DPH6: variants seen among roughly 807,000 people sequenced by gnomAD.
DPH6 encodes the protein diphthamine biosynthesis 6, also known as diphthine--ammonia ligase.
In DPH6, 33 loss-of-function variants were observed where a neutral mutation model predicts 38.2. The observed-to-expected ratio is 0.86, with a 90% confidence interval of 0.65 to 1.15. The LOEUF is 1.15. DPH6 is among the 50% of genes most tolerant of loss of function. The pLI, the probability that DPH6 is intolerant of heterozygous loss-of-function variation, is 0.00. For missense variants in DPH6, 325 were observed against 320.0 expected (o/e 1.02, Z -0.12); for synonymous variants, 108 against 103.0 (o/e 1.05, Z -0.30).
chr15:35,371,109 G>A lies in DPH6; in HGVS notation c.*1041C>T, dbSNP rs765857352. On this transcript the variant is annotated 3_prime_UTR_variant, in exon 9 of 9. Coordinates refer to ENST00000256538, the MANE Select transcript of DPH6 (RefSeq NM_080650.4). ...TGAAAAGCTATATACTGCATGAAAA[G>A]CTATATACTGTATGATTTCAACTAC... 1 of 151,640 alleles carries A rather than the reference G, an allele frequency of 6.6e-6. No homozygotes were observed. Among genetic ancestry groups the A allele is most frequent in the Non-Finnish European group, 1.5e-5 (1 of 67,746 alleles). The allele number at this position is 151,640 out of a possible 1,614,324, so 9.4% of individuals were successfully genotyped here.
At chr15:35,286,736 G>A (rs373485571) in intron 3 of DPH6, among the ~76,000 whole-genome samples, 57 of 152,086 alleles carry the variant, frequency 3.7e-4, no homozygotes, top group African/African-American at 1.3e-3. Context: ...ATTTTTGGGA[G>A]GGGACTGGTG....
Position 35,431,630 on chromosome 15 carries a change from AAATCCATAAGAAAGG to A in DPH6, c.505+19040_505+19054del, listed in dbSNP as rs578135132. Among the ~76,000 whole-genome samples the A allele has an allele frequency of 2.7e-3, 406 of 152,280 alleles. 1 individual carries two copies. Among genetic ancestry groups the A allele is most frequent in the Non-Finnish European group, 4.9e-3 (331 of 68,024 alleles). On this transcript the variant is annotated intron_variant, in intron 5 of 8. Transcript: ENST00000256538. ...ATTTTGTTACAAGAATTAGAGAAAA[AAATCCATAAGAAAGG>A]AATCCATAAGAAAGAAATATAATGG... is the stretch of plus-strand genomic sequence containing the variant.
intron 3 of DPH6, among the ~76,000 whole-genome samples, chr15:35,303,714 G>A (rs1314237998): frequency 6.6e-6 from 1 of 150,880 alleles, no homozygotes; most frequent in African/African-American, 2.4e-5. Flanking sequence ...AAAGGGGGAG[G>A]AGAGGTTAGT....
At chr15:35,284,801 ATTTTTTTTTTTTT>A (rs71123127) in intron 3 of DPH6, among the ~76,000 whole-genome samples, 2 of 79,216 alleles carry the variant, frequency 2.5e-5, no homozygotes, top group African/African-American at 5.7e-5. Context: ...AAGTCTCCAA[ATTTTTTTTTTTTT>A]TTTTTTTTTT....
At chr15:35,171,678 G>A in the DPH6 span, among the ~76,000 whole-genome samples, 1 of 151,820 alleles carries the variant, frequency 6.6e-6, no homozygotes, top group Non-Finnish European at 1.5e-5. Context: ...TTCCCTATCA[G>A]TAATGCTGGG....
At chr15:35,347,455 TCC>T (rs1409987737) in intron 3 of DPH6, among the ~76,000 whole-genome samples, 2 of 147,920 alleles carry the variant, frequency 1.4e-5, no homozygotes, top group East Asian at 2.0e-4. Context: ...CCCAGCCTCC[TCC>T]TTTTTTTTTT....
rs1194919921 is a variant in DPH6 at position 35,272,905 on chromosome 15, TA to T, written n.201-52324del. ...CTGGGCAACAGAGCGAGACCCCATC[TA>T]AAAAAAAAAAAACAAACCAAAAAGA... On this transcript the variant is annotated intron_variant and non_coding_transcript_variant, in intron 3 of 3. Transcript: ENST00000560386. Among the ~76,000 whole-genome samples the T allele has an allele frequency of 6.4e-3, 883 of 138,650 alleles. 1 individual carries two copies. The highest frequency in any genetic ancestry group is 0.018 in the African/African-American group (700 of 37,928). The allele number at this position is 138,650 out of a possible 152,430, so 91.0% of individuals were successfully genotyped here.
At chr15:35,478,058 T>TA (rs981118953) in intron 3 of DPH6, among the ~76,000 whole-genome samples, 2 of 151,876 alleles carry the variant, frequency 1.3e-5, no homozygotes, top group Non-Finnish European at 2.9e-5. Context: ...ATGCCCAGCC[T>TA]AAGGGCTGTG....
At chr15:35,199,398 C>A in the DPH6 span, among the ~76,000 whole-genome samples, 43 of 152,162 alleles carry the variant, frequency 2.8e-4, no homozygotes, top group Non-Finnish European at 5.4e-4. Flanking sequence ...ATTTGTGTAT[C>A]CCAAATAAAT....
At chr15:35,372,822 T>A (rs540165404) in intron 8 of DPH6, among the ~76,000 whole-genome samples, 1 of 151,976 alleles carries the variant, frequency 6.6e-6, no homozygotes, top group South Asian at 2.1e-4. Context: ...CCTCAAGACT[T>A]GGGGGAAAGA....
chr15:35,444,192 A>G (rs1339620278), intron 5 of DPH6, among the ~76,000 whole-genome samples: 1 of 152,198 alleles, frequency 6.6e-6, no homozygotes, highest in Non-Finnish European at 1.5e-5. Context: ...ATTGTTCAAT[A>G]AATTCGGGAT....
chr15:35,304,673 T>C (rs985722118), intron 3 of DPH6, among the ~76,000 whole-genome samples: 6 of 152,026 alleles, frequency 3.9e-5, no homozygotes, highest in African/African-American at 1.4e-4. Flanking sequence ...CTCCTGATGT[T>C]CCAGTAAGAG....
At chr15:35,325,838 G>T (rs934047694), downstream of DPH6, among the ~76,000 whole-genome samples, 1 of 151,984 alleles carries the variant, frequency 6.6e-6, no homozygotes, top group Admixed American at 6.6e-5. Flanking sequence ...ATTTGACAAA[G>T]TTCTCATATC....
intron 5 of DPH6, among the ~76,000 whole-genome samples, chr15:35,431,901 C>T (rs1208121862): frequency 2.0e-5 from 3 of 152,152 alleles, no homozygotes; most frequent in Non-Finnish European, 4.4e-5. Flanking sequence ...CATTCTCCTG[C>T]CTCAGCCTCT....
chr15:35,363,863 C>G (rs1355414205), intron 3 of DPH6, among the ~76,000 whole-genome samples: 2 of 151,918 alleles, frequency 1.3e-5, no homozygotes, highest in Non-Finnish European at 2.9e-5. Context: ...CTATGAATCT[C>G]AACATTTGCC....
intron 6 of DPH6, among the ~76,000 whole-genome samples, chr15:35,388,290 G>T (rs2053000947): frequency 6.6e-6 from 1 of 152,138 alleles, no homozygotes; most frequent in East Asian, 1.9e-4. Flanking sequence ...CAGGGATATT[G>T]GTCTAAAATT....
intron 5 of DPH6, among the ~76,000 whole-genome samples, chr15:35,436,478 C>CAACAA (rs2053708111): frequency 1.6e-5 from 1 of 61,186 alleles, no homozygotes; most frequent in African/African-American, 5.6e-5. Flanking sequence ...ACAAAACAAA[C>CAACAA]AAAAACAAAA....
Position 35,302,819 on chromosome 15 carries a change from T to C in DPH6, n.200+70702A>G, listed in dbSNP as rs185338290. 7.2e-5 allele frequency among the ~76,000 whole-genome samples: 11 copies of C among 152,214 alleles called. No homozygotes were observed. In the East Asian group the frequency reaches 1.4e-3, roughly 19 times the overall value. Reference sequence around the variant, plus strand: ...TCTTTTTTTTTTTTCTCATGGCATTTCAGCTAAATAACCACCTGAATTCAA... The same window carrying C: ...TCTTTTTTTTTTTTCTCATGGCATTCCAGCTAAATAACCACCTGAATTCAA... On this transcript the variant is annotated intron_variant and non_coding_transcript_variant, in intron 3 of 3. Coordinates refer to the DPH6 transcript ENST00000560386.
chr15:35,510,162 G>C (rs1442108085), intron 3 of DPH6, among the ~76,000 whole-genome samples: 1 of 152,152 alleles, frequency 6.6e-6, no homozygotes, highest in East Asian at 1.9e-4. Context: ...GCAGTGAACT[G>C]TGATGGTGCC....
Sources: gnomAD v4.1 joint callset for allele counts (sites outside exome capture counted in the v4.1 genomes callset) on GRCh38, gnomAD v4.1.1 for gene constraint, MANE v1.5 for transcripts, NCBI Gene and HGNC (gene_info 2026-07-23, HGNC 2026-07-21) for gene names.